EN1: variants seen among roughly 807,000 people sequenced by gnomAD.
EN1 encodes the protein engrailed homeobox 1.
Under a neutral mutation model 22.9 loss-of-function variants are expected in EN1, and 8 were observed. The ratio of observed to expected loss-of-function variants is 0.35; its 90% CI spans 0.20 to 0.63. EN1 has a LOEUF of 0.63. Ranked by LOEUF, EN1 falls within the 20% of genes least tolerant of loss-of-function variation. The pLI is 0.73. For missense variants in EN1, 521 were observed against 572.1 expected, an observed-to-expected ratio of 0.91 and a Z score of 0.91; for synonymous variants, 287 against 262.5, an observed-to-expected ratio of 1.09 and a Z score of -0.90.
intron 1 of EN1, among the ~76,000 whole-genome samples, 186 bp from the exon 2 acceptor site, chr2:118,843,440 G>T (rs1678223090): frequency 6.6e-6 from 1 of 152,138 alleles, no homozygotes; most frequent in Non-Finnish European, 1.5e-5. Context: ...TCCCTGGATC[G>T]AAGTGCCCCT....
intron 1 of EN1, among the ~76,000 whole-genome samples, chr2:118,845,474 T>A (rs1678255306): frequency 6.6e-6 from 1 of 152,138 alleles, no homozygotes; most frequent in African/African-American, 2.4e-5. Context: ...GGCCTACGGA[T>A]GCCAGAAGTC....
intron 1 of EN1, among the ~76,000 whole-genome samples, chr2:118,844,721 A>G (rs903446008): frequency 6.6e-6 from 1 of 152,188 alleles, no homozygotes; most frequent in Non-Finnish European, 1.5e-5. Flanking sequence ...CAGCTGTCCT[A>G]TGACAAAGAG....
Position 118,846,248 on chromosome 2 carries a change from G to A in EN1, c.862+58C>T. 6.4e-7 allele frequency: 1 copy of A among 1,572,014 alleles called. No homozygotes were observed. ...GCTCTCCCTAGCGCCGCAGCTTGGCGTTCTGGGGCGGTCCGCGGGGCCAGA... is the reference window on the plus strand; with the variant it reads ...GCTCTCCCTAGCGCCGCAGCTTGGCATTCTGGGGCGGTCCGCGGGGCCAGA... On this transcript the variant is annotated intron_variant, in intron 1 of 1. Transcript: ENST00000295206. This position sits in a 1 kb window ranked among gnomAD's most constrained non-coding sequence, Gnocchi z 5.0.
At position 118,846,679 on chromosome 2, in the gene EN1, CGCCCGGGTG is replaced by C. The variant is rs1558801393; in HGVS notation, c.480_488del (p.Thr161_Ala163del). 2 of 1,580,376 alleles carry C rather than the reference CGCCCGGGTG, an allele frequency of 1.3e-6. No individual in the cohort carries two copies. Among genetic ancestry groups the C allele is most frequent in the South Asian group, 1.1e-5 (1 of 88,402 alleles). On this transcript the variant is annotated inframe_deletion, in exon 1 of 2. Transcript: ENST00000295206. This position sits in a 1 kb window ranked among gnomAD's most constrained non-coding sequence, Gnocchi z 5.0. ...CGCACAGGAGCGAGGCAGCGCCTGG[CGCCCGGGTG>C]CCCAACGGGTGGACAGGGTCTCTAC...
chr2:118,845,560 A>G (rs1678256588), intron 1 of EN1, among the ~76,000 whole-genome samples: 1 of 152,236 alleles, frequency 6.6e-6, no homozygotes, highest in Non-Finnish European at 1.5e-5. Flanking sequence ...GAAGCTACGG[A>G]GGAAACTGGC....
In EN1 at chr2:118,846,425, G is replaced by A; in HGVS notation, c.743C>T (p.Pro248Leu). ...QGTKYPEHGN[P>L]AILLMGSANG... Reference sequence around the variant, plus strand: ...GGCTGAGCCCATAAGTAGGATAGCCGGGTTGCCGTGCTCCGGGTATTTGGT... The same window carrying A: ...GGCTGAGCCCATAAGTAGGATAGCCAGGTTGCCGTGCTCCGGGTATTTGGT... Residue 248 changes from proline to leucine, a missense_variant, in exon 1 of 2, where the codon CCG (proline) becomes CTG (leucine). Pro to Leu is a moderately conservative substitution (Grantham distance 98). Coordinates refer to ENST00000295206, the MANE Select transcript of EN1 (RefSeq NM_001426.4). This position sits in a 1 kb window ranked among gnomAD's most constrained non-coding sequence, Gnocchi z 5.0. The A allele has an allele frequency of 1.9e-6, 3 of 1,613,076 alleles. No homozygotes were observed. Among genetic ancestry groups the A allele is most frequent in the Non-Finnish European group, 2.5e-6 (3 of 1,179,778 alleles).
chr2:118,843,522 T>C (rs1678224514), intron 1 of EN1, among the ~76,000 whole-genome samples: 1 of 152,106 alleles, frequency 6.6e-6, no homozygotes, highest in Admixed American at 6.5e-5. Context: ...TGGTTGAGGT[T>C]GTAGGTGCAC....
chr2:118,845,211 G>A (rs1355918534), intron 1 of EN1, among the ~76,000 whole-genome samples: 1 of 152,240 alleles, frequency 6.6e-6, no homozygotes, highest in East Asian at 1.9e-4. Context: ...CGCCCGGCCG[G>A]CAGCTGTGGG....
chr2:118,846,812 T>A lies in EN1; in HGVS notation c.356A>T (p.Lys119Met), dbSNP rs747001812. ...NILRPDFGCKKEQPPPQLLVA... is the reference protein window; with the variant it reads ...NILRPDFGCKMEQPPPQLLVA... Reference sequence around the variant, plus strand: ...CAGAAGCTGCGGTGGCGGCTGCTCCTTTTTGCAGCCGAAGTCCGGCCTCAG... The same window carrying A: ...CAGAAGCTGCGGTGGCGGCTGCTCCATTTTGCAGCCGAAGTCCGGCCTCAG... Residue 119 changes from lysine to methionine, a missense_variant, in exon 1 of 2, where the codon AAG becomes ATG. This residue lies in a region of EN1 where 436 missense variants were observed against 410.1 expected (regional missense o/e 1.06). Coordinates refer to ENST00000295206, the MANE Select transcript of EN1 (RefSeq NM_001426.4). The surrounding 1 kb of genome is among the most constrained non-coding windows in gnomAD (Gnocchi z 5.0). 1 of 1,595,030 alleles carries A rather than the reference T, an allele frequency of 6.3e-7. No homozygotes were observed.
intron 1 of EN1, chr2:118,844,417 C>A (rs1678237879): frequency 6.6e-6 from 1 of 152,252 alleles, no homozygotes; most frequent in African/African-American, 2.4e-5. Flanking sequence ...GGAGGAGGGC[C>A]CACTGAGAAA....
In EN1 at chr2:118,842,606, G is replaced by A; in HGVS notation, c.*332C>T. On this transcript the variant is annotated 3_prime_UTR_variant, in exon 2 of 2. Transcript: ENST00000295206. ...GTCCAGCAAATAGAGATCGCTACACGTATGTGTTTTCCTTACCTGAAATTA... is the reference window on the plus strand; with the variant it reads ...GTCCAGCAAATAGAGATCGCTACACATATGTGTTTTCCTTACCTGAAATTA... 5.1e-6 allele frequency: 1 copy of A among 194,528 alleles called. No individual in the cohort carries two copies. Among genetic ancestry groups the A allele is most frequent in the Non-Finnish European group, 1.1e-5 (1 of 94,048 alleles). 12.1% of individuals were successfully genotyped at this position (194,528 alleles called of 1,614,324 possible).
Position 118,847,173 on chromosome 2 carries a change from G to A in EN1, c.-6C>T. 2.4e-6 allele frequency: 2 copies of A among 841,354 alleles called. No homozygotes were observed. Among genetic ancestry groups the A allele is most frequent in the Non-Finnish European group, 3.3e-6 (2 of 598,930 alleles). 52.1% of individuals were successfully genotyped at this position (841,354 alleles called of 1,614,324 possible). Reference sequence around the variant, plus strand: ...TCCGGCTGCTGTTCTTCCATGCTCGGCCGCCCCGCCGCCCCGGCCGCCGCG... The same window carrying A: ...TCCGGCTGCTGTTCTTCCATGCTCGACCGCCCCGCCGCCCCGGCCGCCGCG... On this transcript the variant is annotated 5_prime_UTR_variant, in exon 1 of 2. Coordinates refer to ENST00000295206, the MANE Select transcript of EN1 (RefSeq NM_001426.4).
intron 1 of EN1, among the ~76,000 whole-genome samples, chr2:118,844,706 G>A (rs1045964056): frequency 6.6e-6 from 1 of 152,214 alleles, no homozygotes; most frequent in Non-Finnish European, 1.5e-5. Flanking sequence ...GGAGGCTGGG[G>A]TAACCAGCTG....
At position 118,843,264 on chromosome 2, in the gene EN1, C is replaced by T; in HGVS notation, c.863-10G>A. On this transcript the variant is annotated splice_polypyrimidine_tract_variant and intron_variant, in intron 1 of 1. Coordinates refer to ENST00000295206, the MANE Select transcript of EN1 (RefSeq NM_001426.4). ...TTCCTGGTGCGCGGACCTGCAGCGG[C>T]GGAGAGGGCCGGGGTGGGGTGGGGG... 5.6e-6 allele frequency: 1 copy of T among 179,164 alleles called. No individual in the cohort carries two copies. The highest frequency in any genetic ancestry group is 7.6e-5 in the South Asian group (1 of 13,142). 11.1% of individuals were successfully genotyped at this position (179,164 alleles called of 1,614,324 possible).
At chr2:118,844,627 G>C (rs1415805932) in intron 1 of EN1, among the ~76,000 whole-genome samples, 2 of 152,236 alleles carry the variant, frequency 1.3e-5, no homozygotes, top group Admixed American at 6.5e-5. Flanking sequence ...TGGAAAGAAG[G>C]ATCTTTGCCG....
chr2:118,846,822 C>T lies in EN1; in HGVS notation c.346G>A (p.Gly116Ser), dbSNP rs769021668. Reference sequence around the variant, plus strand: ...GGTGGCGGCTGCTCCTTTTTGCAGCCGAAGTCCGGCCTCAGGATGTTGTCG... The same window carrying T: ...GGTGGCGGCTGCTCCTTTTTGCAGCTGAAGTCCGGCCTCAGGATGTTGTCG... ...FIDNILRPDF[G>S]CKKEQPPPQL... The change falls in exon 1 of 2, where the codon GGC (glycine) becomes AGC (serine). Residue 116 changes from glycine to serine, a missense_variant. This residue lies in a region of EN1 where 436 missense variants were observed against 410.1 expected (regional missense o/e 1.06). Coordinates refer to ENST00000295206, the MANE Select transcript of EN1 (RefSeq NM_001426.4). This position sits in a 1 kb window ranked among gnomAD's most constrained non-coding sequence, Gnocchi z 5.0. The T allele has an allele frequency of 6.3e-7, 1 of 1,593,854 alleles. No homozygotes were observed. The highest frequency in any genetic ancestry group is 1.7e-5 in the Admixed American group (1 of 58,856).
intron 1 of EN1, 21 bp from the exon 2 acceptor site, chr2:118,843,275 G>T: frequency 1.5e-6 from 2 of 1,337,858 alleles, no homozygotes; most frequent in Admixed American, 2.0e-5. Flanking sequence ...GGAGAGGGCC[G>T]GGGTGGGGTG....
intron 1 of EN1, chr2:118,844,102 T>C (rs1678232968): frequency 1.3e-5 from 2 of 152,202 alleles, no homozygotes; most frequent in Admixed American, 6.5e-5. Flanking sequence ...TCCACATTCC[T>C]CTAACCGGCT....
Position 118,846,754 on chromosome 2 carries a change from T to A in EN1, c.414A>T (p.Gly138=), listed in dbSNP as rs753667886. 16 of 1,594,526 alleles carry A rather than the reference T, an allele frequency of 1.0e-5. No homozygotes were observed. The highest frequency in any genetic ancestry group is 1.7e-4 in the Middle Eastern group (1 of 5,990). ...CTCTGTCACGCTCGACCCGGCCTCCTCCTCCTGCGCCTCCTCTGGCCGCCG... is the reference window on the plus strand; with the variant it reads ...CTCTGTCACGCTCGACCCGGCCTCCACCTCCTGCGCCTCCTCTGGCCGCCG... ...VAAAARGGAG[G]GGRVERDRGQ... is the part of the protein sequence containing the mutation. Residue 138 remains glycine, a synonymous_variant, in exon 1 of 2, where the codon GGA becomes GGT. Transcript: ENST00000295206. This position sits in a 1 kb window ranked among gnomAD's most constrained non-coding sequence, Gnocchi z 5.0.
Sources: allele counts gnomAD v4.1 joint callset (sites outside exome capture counted in the v4.1 genomes callset), GRCh38; gene constraint gnomAD v4.1.1; regional missense constraint gnomAD v4.1.1; non-coding constraint Gnocchi (gnomAD v3.1); transcripts MANE v1.5; gene names NCBI Gene and HGNC (gene_info 2026-07-23, HGNC 2026-07-21).